FDFT1: variants seen among roughly 807,000 people sequenced by gnomAD.
FDFT1 encodes the protein squalene synthase.
In FDFT1, 68 loss-of-function variants were observed where a neutral mutation model predicts 46.8. The observed-to-expected ratio is 1.45, with a 90% confidence interval of 1.19 to 1.78. FDFT1 has a LOEUF of 1.78. Ranked by LOEUF, FDFT1 falls within the 40% of genes most tolerant of loss-of-function variation. FDFT1 has a pLI of 0.00. For synonymous variants in FDFT1, 351 were observed against 185.1 expected (o/e 1.90, Z -7.28); for missense variants, 928 against 524.4 (o/e 1.77, Z -7.52).
At chr8:11,818,296 T>C (rs1808739942) in intron 3 of FDFT1, among the ~76,000 whole-genome samples, 1 of 152,250 alleles carries the variant, frequency 6.6e-6, no homozygotes, top group Non-Finnish European at 1.5e-5. Context: ...TGGTCAATTT[T>C]AGAATAAGTG....
chr8:11,808,246 G>GAC, intron 1 of FDFT1: 1 of 1,202,962 alleles, frequency 8.3e-7, no homozygotes, highest in Non-Finnish European at 1.0e-6. Context: ...GGTCTAGGGA[G>GAC]ACTCTGTCAC....
In FDFT1 at chr8:11,802,761, C is replaced by T. The variant is rs547646473; in HGVS notation, c.-72C>T. On this transcript the variant is annotated 5_prime_UTR_variant, in exon 1 of 8. Coordinates refer to ENST00000220584, the MANE Select transcript of FDFT1 (RefSeq NM_004462.5). ...CCCTCGAAGCACCTACTCCACAGGT[C>T]CAGCCGGCCGGTGAGCGCCTGGGGA... The T allele has an allele frequency of 1.5e-4, 188 of 1,239,094 alleles. No individual in the cohort carries two copies. The African/African-American group carries it at 2.6e-3, about 17-fold the overall frequency. 76.8% of individuals were successfully genotyped at this position (1,239,094 alleles called of 1,614,324 possible). A position where few individuals can be genotyped will look rare whatever the true frequency, so the allele number is the denominator to read the frequency against.
At chr8:11,809,198 C>T (rs1441238957) in intron 2 of FDFT1, 7 of 1,218,388 alleles carry the variant, frequency 5.7e-6, no homozygotes, top group East Asian at 4.2e-5. Flanking sequence ...CTTCCCTTAT[C>T]CAACTTTGCA....
intron 3 of FDFT1, among the ~76,000 whole-genome samples, chr8:11,820,554 C>G (rs751998323): frequency 6.6e-6 from 1 of 152,184 alleles, no homozygotes; most frequent in Non-Finnish European, 1.5e-5. Flanking sequence ...CATAGAAGTG[C>G]GTACTGAAGC....
At chr8:11,802,219 G>T, upstream of FDFT1, 1 of 396,980 alleles carries the variant, frequency 2.5e-6, no homozygotes, top group East Asian at 7.1e-5. Flanking sequence ...CAGTAAAGAC[G>T]CCCAGCTTGG....
Position 11,823,541 on chromosome 8 carries a change from GAT to G in FDFT1, c.510+1664_510+1665del, listed in dbSNP as rs1809545794. On this transcript the variant is annotated intron_variant, in intron 4 of 7. Coordinates refer to ENST00000220584, the MANE Select transcript of FDFT1 (RefSeq NM_004462.5). ...TCTTCACCTGTGCATTCTTCCCCCT[GAT>G]TAGTCTCTGGCTTTGTATTACTTTC... Among the ~76,000 whole-genome samples, 5 of 151,790 alleles carry G rather than the reference GAT, an allele frequency of 3.3e-5. No individual in the cohort carries two copies. The South Asian group carries it at 1.0e-3, about 32-fold the overall frequency.
intron 1 of FDFT1, among the ~76,000 whole-genome samples, chr8:11,796,515 G>A (rs1483544288): frequency 6.6e-6 from 1 of 152,218 alleles, no homozygotes; most frequent in Admixed American, 6.5e-5. Context: ...GCTTGCTGTA[G>A]TAAGGGAGTT....
At position 11,826,961 on chromosome 8, in the gene FDFT1, A is replaced by AG. The variant is rs1236262649; in HGVS notation, c.702+750dup. On this transcript the variant is annotated intron_variant, in intron 5 of 7. Transcript: ENST00000220584. ...CCAAAGAAAGAATTCTGCAGCAGGA[A>AG]GGGGAAAGGGATGGCAGGTAGACAA... 7.2e-5 allele frequency among the ~76,000 whole-genome samples: 11 copies of AG among 152,202 alleles called. No homozygotes were observed. In the South Asian group the frequency reaches 2.1e-3, roughly 29 times the overall value.
intron 7 of FDFT1, among the ~76,000 whole-genome samples, chr8:11,833,519 T>G (rs924514925): frequency 6.6e-6 from 1 of 152,264 alleles, no homozygotes; most frequent in Admixed American, 6.5e-5. Context: ...TTAAACACTT[T>G]GTGGCCAATT....
intron 6 of FDFT1, among the ~76,000 whole-genome samples, chr8:11,831,192 T>C (rs947771214): frequency 6.6e-6 from 1 of 152,240 alleles, no homozygotes; most frequent in Non-Finnish European, 1.5e-5. Flanking sequence ...GAAATACATA[T>C]TTCCGATCCG....
At chr8:11,831,487 T>G in intron 6 of FDFT1, 31 bp from the exon 7 acceptor site, 1 of 1,600,520 alleles carries the variant, frequency 6.2e-7, no homozygotes. Flanking sequence ...CATCATTTCT[T>G]CTTTTTTCCC....
chr8:11,830,165 A>G, intron 5 of FDFT1, 79 bp from the exon 6 acceptor site: 4 of 1,194,078 alleles, frequency 3.3e-6, no homozygotes, highest in Non-Finnish European at 5.0e-6. Flanking sequence ...GTTCTTATGC[A>G]CAAAGACCCT....
intron 7 of FDFT1, among the ~76,000 whole-genome samples, chr8:11,832,043 C>T (rs1340198862): frequency 6.6e-6 from 1 of 152,140 alleles, no homozygotes; most frequent in Non-Finnish European, 1.5e-5. Flanking sequence ...GGATCTCTGG[C>T]TCCCGTCCAT....
At chr8:11,825,221 C>G (rs902459268) in intron 4 of FDFT1, among the ~76,000 whole-genome samples, 12 of 152,142 alleles carry the variant, frequency 7.9e-5, no homozygotes, top group African/African-American at 2.4e-4. Context: ...GTTGCCTTCT[C>G]TCATAGTTTT....
intron 7 of FDFT1, among the ~76,000 whole-genome samples, chr8:11,832,513 T>C (rs985469682): frequency 7.5e-6 from 1 of 134,148 alleles, no homozygotes; most frequent in African/African-American, 2.8e-5. Context: ...GATTTCATCA[T>C]TGCACTCTAG....
At chr8:11,836,449 C>T (rs538281284) in intron 7 of FDFT1, among the ~76,000 whole-genome samples, 1 of 152,348 alleles carries the variant, frequency 6.6e-6, no homozygotes, top group East Asian at 1.9e-4. Flanking sequence ...CGTGGGTCCC[C>T]ACAACCCAGA....
Position 11,838,669 on chromosome 8 carries a change from G to GAT in FDFT1, c.*61_*62dup, listed in dbSNP as rs1811907945. ...AGTGGATTTACTTTTTTTCTTTAAGGATGGATGTTGTGTTCTCTTTATTTT... is the reference window on the plus strand; with the variant it reads ...AGTGGATTTACTTTTTTTCTTTAAGGATATGGATGTTGTGTTCTCTTTATTTT... On this transcript the variant is annotated 3_prime_UTR_variant, in exon 8 of 8. Coordinates refer to ENST00000220584, the MANE Select transcript of FDFT1 (RefSeq NM_004462.5). 7.9e-7 allele frequency: 1 copy of GAT among 1,266,076 alleles called. No homozygotes were observed. The highest frequency in any genetic ancestry group is 1.2e-6 in the Non-Finnish European group (1 of 865,046). 78.4% of individuals were successfully genotyped at this position (1,266,076 alleles called of 1,614,324 possible). A position where few individuals can be genotyped will look rare whatever the true frequency, so the allele number is the denominator to read the frequency against.
At chr8:11,832,983 T>G (rs1345728137) in intron 7 of FDFT1, among the ~76,000 whole-genome samples, 1 of 152,204 alleles carries the variant, frequency 6.6e-6, no homozygotes, top group Non-Finnish European at 1.5e-5. Context: ...AATAGCGATT[T>G]CTGATTTCTC....
chr8:11,801,393 C>T (rs1306433097), upstream of FDFT1, among the ~76,000 whole-genome samples: 1 of 152,226 alleles, frequency 6.6e-6, no homozygotes, highest in Non-Finnish European at 1.5e-5. Context: ...GATCTCAGCT[C>T]ACTGCAACCT....
Sources: allele counts gnomAD v4.1 joint callset (sites outside exome capture counted in the v4.1 genomes callset), GRCh38; gene constraint gnomAD v4.1.1; transcripts MANE v1.5; gene names NCBI Gene and HGNC (gene_info 2026-07-23, HGNC 2026-07-21).